GRID2: variants seen among roughly 807,000 people sequenced by gnomAD.
GRID2 encodes glutamate ionotropic receptor delta type subunit 2.
In GRID2, 33 loss-of-function variants were observed where a neutral mutation model predicts 114.8. The ratio of observed to expected loss-of-function variants is 0.29; its 90% CI spans 0.22 to 0.38. The LOEUF (loss-of-function observed/expected upper bound fraction) is 0.38. Among genes scored for constraint, GRID2 ranks in the 10% least tolerant of loss-of-function variants. The probability of loss-of-function intolerance (pLI) is 1.00; values close to 1 mark genes in which losing one functional copy is unlikely to be tolerated. For missense variants in GRID2, 1,184 were observed against 1,257.7 expected (o/e 0.94, Z 0.89); for synonymous variants, 505 against 449.9 (o/e 1.12, Z -1.55).
At chr4:93,767,017 C>A (rs373915868) in intron 14 of GRID2, among the ~76,000 whole-genome samples, 108 of 152,262 alleles carry the variant, frequency 7.1e-4, no homozygotes, top group African/African-American at 2.6e-3. Context: ...ATGATTACAT[C>A]TTTGTGTGTT....
chr4:92,510,640 A>G (rs1273008466), intron 1 of GRID2, among the ~76,000 whole-genome samples: 1 of 151,772 alleles, frequency 6.6e-6, no homozygotes, highest in Non-Finnish European at 1.5e-5. Context: ...AATACACTCT[A>G]GTGTTCTATT....
At chr4:93,580,379 C>T (rs1164717335) in intron 13 of GRID2, among the ~76,000 whole-genome samples, 1 of 152,196 alleles carries the variant, frequency 6.6e-6, no homozygotes, top group Non-Finnish European at 1.5e-5. Flanking sequence ...TGTGTTGATG[C>T]AATAGCACCC....
chr4:92,437,361 C>T (rs1439581607), intron 1 of GRID2, among the ~76,000 whole-genome samples: 1 of 152,190 alleles, frequency 6.6e-6, no homozygotes, highest in Admixed American at 6.5e-5. Context: ...CTCATTGCAA[C>T]CTCCCCCACC....
chr4:92,320,884 C>T (rs985859355), intron 1 of GRID2, among the ~76,000 whole-genome samples: 2 of 151,918 alleles, frequency 1.3e-5, no homozygotes, highest in African/African-American at 4.8e-5. Context: ...GAGAATGGCA[C>T]CATTAATTTA....
At chr4:92,356,294 A>G (rs1220026919) in intron 1 of GRID2, among the ~76,000 whole-genome samples, 1 of 151,364 alleles carries the variant, frequency 6.6e-6, no homozygotes, top group Non-Finnish European at 1.5e-5. Context: ...TTGTATATAT[A>G]TTTTCTGGTT....
intron 4 of GRID2, among the ~76,000 whole-genome samples, chr4:93,183,442 C>T (rs72666919): frequency 0.072 from 10,894 of 152,210 alleles, 432 homozygotes; most frequent in East Asian, 0.17. Context: ...AGATGTTTCA[C>T]GTGTGATGAA....
At chr4:92,881,060 G>A (rs1380135275) in intron 2 of GRID2, among the ~76,000 whole-genome samples, 1 of 152,028 alleles carries the variant, frequency 6.6e-6, no homozygotes. Context: ...GAGCCACCAT[G>A]CCCCGCTAAT....
At chr4:93,042,689 A>G (rs1725698906) in intron 2 of GRID2, among the ~76,000 whole-genome samples, 5 of 144,046 alleles carry the variant, frequency 3.5e-5, no homozygotes, top group Admixed American at 2.8e-4. Flanking sequence ...CTATATATAT[A>G]TGCATATATA....
At chr4:92,472,027 G>C (rs1318036866) in intron 1 of GRID2, among the ~76,000 whole-genome samples, 1 of 61,240 alleles carries the variant, frequency 1.6e-5, no homozygotes, top group Non-Finnish European at 3.1e-5. Flanking sequence ...TCCGCCTCCC[G>C]GGTTCACGCC....
intron 1 of GRID2, among the ~76,000 whole-genome samples, chr4:92,556,483 G>A (rs892127107): frequency 1.3e-5 from 2 of 151,956 alleles, no homozygotes; most frequent in African/African-American, 4.8e-5. Flanking sequence ...ATTTTGCAGT[G>A]TATTAGTTAA....
chr4:93,194,538 T>C (rs777573119), intron 4 of GRID2, among the ~76,000 whole-genome samples: 1 of 152,200 alleles, frequency 6.6e-6, no homozygotes, highest in Non-Finnish European at 1.5e-5. Flanking sequence ...ATTGGCATAC[T>C]TTTCATAATC....
chr4:93,047,766 A>G (rs1361834194), intron 2 of GRID2, among the ~76,000 whole-genome samples: 3 of 152,100 alleles, frequency 2.0e-5, no homozygotes, highest in East Asian at 3.9e-4. Flanking sequence ...TGGCTAGAGA[A>G]ACTATCTCTT....
chr4:92,543,265 A>G (rs1410480027), intron 1 of GRID2, among the ~76,000 whole-genome samples: 1 of 152,176 alleles, frequency 6.6e-6, no homozygotes, highest in African/African-American at 2.4e-5. Flanking sequence ...TTTGCAGGTT[A>G]GGAAATTGCC....
intron 4 of GRID2, among the ~76,000 whole-genome samples, chr4:93,174,966 T>C (rs1292902319): frequency 6.6e-6 from 1 of 152,172 alleles, no homozygotes; most frequent in African/African-American, 2.4e-5. Flanking sequence ...ACTTTCTTAT[T>C]TGTCTAGAGT....
chr4:92,713,476 CATAT>C (rs10593127), intron 2 of GRID2, among the ~76,000 whole-genome samples: 1,949 of 53,898 alleles, frequency 0.036, 32 homozygotes, highest in African/African-American at 0.052. Flanking sequence ...TATACATATA[CATAT>C]ATATATATAT....
chr4:93,136,255 TGTGTG>T (rs1203844253), intron 4 of GRID2, among the ~76,000 whole-genome samples: 3 of 151,726 alleles, frequency 2.0e-5, no homozygotes, highest in Admixed American at 6.6e-5. Flanking sequence ...TGTGTGTGTG[TGTGTG>T]TGTGTGTGTG....
At chr4:93,510,125 C>T (rs1729019996) in intron 12 of GRID2, among the ~76,000 whole-genome samples, 1 of 152,142 alleles carries the variant, frequency 6.6e-6, no homozygotes. Flanking sequence ...TGGTGCCTAT[C>T]CTATCAGCCA....
At chr4:92,771,170 T>C (rs1738525654) in intron 2 of GRID2, among the ~76,000 whole-genome samples, 1 of 152,180 alleles carries the variant, frequency 6.6e-6, no homozygotes, top group Non-Finnish European at 1.5e-5. Context: ...TTTATTAATC[T>C]CAGACAACTA....
intron 2 of GRID2, among the ~76,000 whole-genome samples, chr4:92,798,631 A>G (rs1740004317): frequency 6.6e-6 from 1 of 152,076 alleles, no homozygotes; most frequent in Admixed American, 6.6e-5. Flanking sequence ...TGCATTCATT[A>G]GGAGTAACTC....
Sources: allele counts gnomAD v4.1 joint callset (sites outside exome capture counted in the v4.1 genomes callset), GRCh38; gene constraint gnomAD v4.1.1; transcripts MANE v1.5; gene names NCBI Gene and HGNC (gene_info 2026-07-23, HGNC 2026-07-21).